Variants in PTPRD observed in about 807,000 individuals in gnomAD.
The protein encoded by PTPRD is protein tyrosine phosphatase receptor type D.
In PTPRD, 34 loss-of-function variants were observed where a neutral mutation model predicts 214.5. That is an observed-to-expected ratio of 0.16 (90% CI 0.12 to 0.21). The LOEUF (loss-of-function observed/expected upper bound fraction) is 0.21, where lower values mean the gene tolerates loss of function less well. Among genes scored for constraint, PTPRD ranks in the 10% least tolerant of loss-of-function variants. The pLI, the probability that PTPRD is intolerant of heterozygous loss-of-function variation, is 1.00. For missense variants in PTPRD, 2,545 were observed against 2,398.7 expected (o/e 1.06, Z -1.27); for synonymous variants, 1,128 against 845.7 (o/e 1.33, Z -5.79).
Position 8,509,710 on chromosome 9 carries a change from G to T in PTPRD, c.1544-2276C>A, listed in dbSNP as rs139471191. Among the ~76,000 whole-genome samples the T allele has an allele frequency of 2.2e-4, 33 of 152,148 alleles. 1 individual carries two copies. In the East Asian group the frequency reaches 4.8e-3, roughly 22 times the overall value. On this transcript the variant is annotated intron_variant, in intron 21 of 45. Coordinates refer to ENST00000381196, the MANE Select transcript of PTPRD (RefSeq NM_002839.4). Reference sequence around the variant, plus strand: ...TTTGTCTTGAGTAAATTCCCGGTTGGTCTCAATATTTCATTCTTGTTTAGT... The same window carrying T: ...TTTGTCTTGAGTAAATTCCCGGTTGTTCTCAATATTTCATTCTTGTTTAGT...
chr9:9,123,169 T>G (rs933265894), intron 10 of PTPRD, among the ~76,000 whole-genome samples: 1 of 152,162 alleles, frequency 6.6e-6, no homozygotes, highest in Non-Finnish European at 1.5e-5. Flanking sequence ...CACTAATATT[T>G]TCATTTGCGG....
intron 5 of PTPRD, among the ~76,000 whole-genome samples, chr9:9,833,841 G>T (rs1164866941): frequency 6.6e-6 from 1 of 151,968 alleles, no homozygotes; most frequent in Non-Finnish European, 1.5e-5. Flanking sequence ...AGAGCTTAAG[G>T]TTATGTCTCT....
At chr9:10,285,185 C>T (rs902451299) in intron 3 of PTPRD, among the ~76,000 whole-genome samples, 1 of 152,040 alleles carries the variant, frequency 6.6e-6, no homozygotes, top group Non-Finnish European at 1.5e-5. Flanking sequence ...TAACCCAGTC[C>T]TCCAATATAC....
At chr9:10,488,082 G>A (rs570177541) in intron 2 of PTPRD, among the ~76,000 whole-genome samples, 2 of 151,452 alleles carry the variant, frequency 1.3e-5, no homozygotes, top group South Asian at 4.2e-4. Flanking sequence ...GACTGTGCCA[G>A]GTCGGCTGGG....
chr9:9,420,638 A>C (rs1005865745), intron 8 of PTPRD, among the ~76,000 whole-genome samples: 1 of 151,922 alleles, frequency 6.6e-6, no homozygotes, highest in African/African-American at 2.4e-5. Flanking sequence ...TGTATTAGTG[A>C]AAGTTGGAAA....
chr9:10,269,005 C>T (rs1420226399), intron 3 of PTPRD, among the ~76,000 whole-genome samples: 1 of 152,162 alleles, frequency 6.6e-6, no homozygotes, highest in Non-Finnish European at 1.5e-5. Flanking sequence ...AAAAATATCT[C>T]CAGCCACTGC....
In PTPRD at chr9:10,231,956, T is replaced by TAGAGAGAG. The variant is rs56151511; in HGVS notation, c.-545+108999_-545+109006dup. Among the ~76,000 whole-genome samples the TAGAGAGAG allele has an allele frequency of 2.9e-4, 32 of 109,066 alleles. 1 individual carries two copies. Among genetic ancestry groups the TAGAGAGAG allele is most frequent in the Admixed American group, 2.0e-3 (22 of 10,966 alleles). 71.6% of individuals were successfully genotyped at this position (109,066 alleles called of 152,430 possible). A position where few individuals can be genotyped will look rare whatever the true frequency, so the allele number is the denominator to read the frequency against. ...TGTATTAGTTCTCTTGGGAATGAAT[T>TAGAGAGAG]AGAGAGAGAGAGAGAGAGAGAGAGA... On this transcript the variant is annotated intron_variant, in intron 3 of 45. Coordinates refer to ENST00000381196, the MANE Select transcript of PTPRD (RefSeq NM_002839.4).
intron 11 of PTPRD, among the ~76,000 whole-genome samples, chr9:8,907,401 C>T (rs2154257726): frequency 6.6e-6 from 1 of 150,792 alleles, no homozygotes; most frequent in South Asian, 2.1e-4. Context: ...ACCTGTAATC[C>T]CAGCTACTCG....
At chr9:9,824,255 C>T (rs1374481016) in intron 5 of PTPRD, among the ~76,000 whole-genome samples, 11 of 151,904 alleles carry the variant, frequency 7.2e-5, no homozygotes. Flanking sequence ...CAACCTGCAT[C>T]TTTATTTATC....
At chr9:8,495,913 C>G (rs2097255184) in intron 26 of PTPRD, among the ~76,000 whole-genome samples, 1 of 152,032 alleles carries the variant, frequency 6.6e-6, no homozygotes, top group South Asian at 2.1e-4. Flanking sequence ...CTTTTTATTT[C>G]TTCTATATCA....
chr9:10,509,522 T>C (rs1172881786), intron 2 of PTPRD, among the ~76,000 whole-genome samples: 1 of 116,576 alleles, frequency 8.6e-6, no homozygotes, highest in East Asian at 2.7e-4. Context: ...TATAGCTGAC[T>C]TACCTATAAT....
At chr9:9,795,783 T>C (rs2098998433) in intron 5 of PTPRD, among the ~76,000 whole-genome samples, 1 of 152,190 alleles carries the variant, frequency 6.6e-6, no homozygotes, top group Admixed American at 6.5e-5. Flanking sequence ...TATCAGATCA[T>C]GTCTTACCAC....
At chr9:10,561,272 A>T (rs1167912825) in intron 2 of PTPRD, among the ~76,000 whole-genome samples, 1 of 152,140 alleles carries the variant, frequency 6.6e-6, no homozygotes, top group Non-Finnish European at 1.5e-5. Flanking sequence ...GGGTCGTTTT[A>T]TAAGATGGAA....
intron 8 of PTPRD, among the ~76,000 whole-genome samples, chr9:9,509,652 G>C (rs544038428): frequency 1.3e-5 from 2 of 151,570 alleles, no homozygotes; most frequent in East Asian, 3.9e-4. Context: ...CTTCTTCTCA[G>C]ATACAGCATG....
chr9:10,556,117 C>A (rs1309299994), intron 2 of PTPRD, among the ~76,000 whole-genome samples: 1 of 152,048 alleles, frequency 6.6e-6, no homozygotes, highest in East Asian at 1.9e-4. Flanking sequence ...TTATCTGAGA[C>A]TGCAATCAGT....
chr9:8,322,252 G>A (rs1247448938), intron 44 of PTPRD, among the ~76,000 whole-genome samples: 1 of 151,942 alleles, frequency 6.6e-6, no homozygotes, highest in Non-Finnish European at 1.5e-5. Context: ...AAGTGAAAGG[G>A]AGAGTCGCGT....
intron 10 of PTPRD, among the ~76,000 whole-genome samples, chr9:9,169,988 T>C (rs2099911432): frequency 1.3e-5 from 2 of 152,224 alleles, no homozygotes; most frequent in African/African-American, 4.8e-5. Flanking sequence ...TTTGTCATTT[T>C]GCAAGCACCA....
chr9:8,733,799 G>A lies in PTPRD; in HGVS notation c.45C>T (p.Phe15=), dbSNP rs1457824643. ...ARLLLLLLTF[F]LRTDAETPPR... is the part of the protein sequence containing the mutation. ...GCTTACTCTCAGCATCCGTGCGGAG[G>A]AAGAAAGTGAGGAGCAGCAGCAGCA... The change falls in exon 12 of 46, where the codon TTC becomes TTT. Residue 15 remains phenylalanine, a synonymous_variant. Coordinates refer to ENST00000381196, the MANE Select transcript of PTPRD (RefSeq NM_002839.4). 5 of 1,552,950 alleles carry A rather than the reference G, an allele frequency of 3.2e-6. No individual in the cohort carries two copies. The highest frequency in any genetic ancestry group is 1.4e-5 in the African/African-American group (1 of 73,160).
At chr9:9,655,576 AAACCAAACCAAACCAAACC>A (rs1564351197) in intron 7 of PTPRD, among the ~76,000 whole-genome samples, 3 of 118,396 alleles carry the variant, frequency 2.5e-5, no homozygotes, top group African/African-American at 1.1e-4. Flanking sequence ...CTCAAAGGGA[AAACCAAACCAAACCAAACC>A]AAACCAAACC....
Sources: gnomAD v4.1 joint callset for allele counts (sites outside exome capture counted in the v4.1 genomes callset) on GRCh38, gnomAD v4.1.1 for gene constraint, MANE v1.5 for transcripts, NCBI Gene and HGNC (gene_info 2026-07-23, HGNC 2026-07-21) for gene names.